Variants in FRYL observed in about 807,000 individuals in gnomAD.
FRYL encodes protein furry homolog-like.
In FRYL, 150 loss-of-function variants were observed where a neutral mutation model predicts 351.2. The observed-to-expected ratio is 0.43, with a 90% CI of 0.37 to 0.49. The LOEUF (loss-of-function observed/expected upper bound fraction) is 0.49. FRYL is among the 20% of genes least tolerant of loss of function. The pLI, the probability that FRYL is intolerant of heterozygous loss-of-function variation, is 0.00. For missense variants in FRYL, 3,036 were observed against 3,619.3 expected, an observed-to-expected ratio of 0.84 and a Z score of 4.13; for synonymous variants, 1,153 against 1,257.1, an observed-to-expected ratio of 0.92 and a Z score of 1.75.
At chr4:48,687,724 T>C (rs1014784134) in intron 2 of FRYL, among the ~76,000 whole-genome samples, 6 of 152,054 alleles carry the variant, frequency 3.9e-5, no homozygotes, top group African/African-American at 1.2e-4. Context: ...CCCAAGCAAA[T>C]AGAGCAAAAA....
chr4:48,600,251 G>A (rs1264830121), intron 13 of FRYL, among the ~76,000 whole-genome samples: 1 of 152,142 alleles, frequency 6.6e-6, no homozygotes, highest in Non-Finnish European at 1.5e-5. Context: ...TGTTACAACA[G>A]ATAACTAGCA....
At chr4:48,711,375 T>C (rs1767993962) in intron 1 of FRYL, among the ~76,000 whole-genome samples, 1 of 152,280 alleles carries the variant, frequency 6.6e-6, no homozygotes, top group African/African-American at 2.4e-5. Flanking sequence ...ACTGCGCTTT[T>C]CCAACGGGCT....
chr4:48,658,654 T>G (rs1759766092), intron 3 of FRYL, among the ~76,000 whole-genome samples: 1 of 147,642 alleles, frequency 6.8e-6, no homozygotes, highest in Non-Finnish European at 1.5e-5. Context: ...CTCAGGAGGA[T>G]GAGGTGGGAG....
At chr4:48,593,702 C>T (rs1047069774) in intron 16 of FRYL, among the ~76,000 whole-genome samples, 2 of 152,074 alleles carry the variant, frequency 1.3e-5, no homozygotes, top group African/African-American at 4.8e-5. Context: ...ACCATTATTT[C>T]ACTCCAGCCT....
intron 54 of FRYL, among the ~76,000 whole-genome samples, chr4:48,521,841 A>G (rs1228246587): frequency 6.6e-6 from 1 of 152,226 alleles, no homozygotes; most frequent in African/African-American, 2.4e-5. Context: ...TGGGGCACCA[A>G]TGAGATGTAA....
chr4:48,695,650 C>G (rs1333676452), intron 2 of FRYL, among the ~76,000 whole-genome samples: 1 of 151,998 alleles, frequency 6.6e-6, no homozygotes, highest in East Asian at 1.9e-4. Flanking sequence ...ATGCCAAAAG[C>G]AATTGCAACA....
At chr4:48,651,289 CTGTG>C (rs59845967) in intron 3 of FRYL, among the ~76,000 whole-genome samples, 3,501 of 62,360 alleles carry the variant, frequency 0.056, 384 homozygotes, top group African/African-American at 0.16. Context: ...CAGGATCTCA[CTGTG>C]TGTGTGTGTG....
At chr4:48,505,311 T>C (rs2148721377) in intron 60 of FRYL, 3 of 555,250 alleles carry the variant, frequency 5.4e-6, no homozygotes, top group East Asian at 3.3e-5. Flanking sequence ...AGCTTATCTA[T>C]TGGATGTTAT....
Position 48,557,025 on chromosome 4 carries a change from A to G in FRYL, c.4219T>C (p.Leu1407=), listed in dbSNP as rs1234165907. The part of the protein sequence containing the change: ...PKNLKIILHF[L]ISICGVNSEP... ...CTATTCACCCCACAAATGCTGATCA[A>G]AAAGTGCAAAATTATTTTCAGGTTT... Residue 1407 remains leucine (L), a synonymous_variant, in exon 35 of 64, where the codon TTG becomes CTG. Coordinates refer to ENST00000358350, the MANE Select transcript of FRYL (RefSeq NM_015030.2). The G allele has an allele frequency of 4.4e-6, 7 of 1,609,028 alleles. No individual in the cohort carries two copies. The highest frequency in any genetic ancestry group is 1.3e-5 in the African/African-American group (1 of 74,324).
At position 48,548,251 on chromosome 4, in the gene FRYL, CAT is replaced by C. The variant is rs575885493; in HGVS notation, c.4888+437_4888+438del. The stretch of plus-strand genomic sequence containing the variant: ...TGTATTATAGATATGGTAGATCCCA[CAT>C]GTTTGCTACAGAAGGCACGATGGAG... On this transcript the variant is annotated intron_variant, in intron 40 of 63. Coordinates refer to ENST00000358350, the MANE Select transcript of FRYL (RefSeq NM_015030.2). 3.4e-4 allele frequency among the ~76,000 whole-genome samples: 52 copies of C among 152,244 alleles called. No individual in the cohort carries two copies. The South Asian group carries it at 1.0e-2, about 29-fold the overall frequency.
chr4:48,713,706 G>A (rs918683234), intron 1 of FRYL, among the ~76,000 whole-genome samples: 9 of 152,170 alleles, frequency 5.9e-5, no homozygotes, highest in African/African-American at 2.2e-4. Flanking sequence ...ACATTAAACA[G>A]ATCAATGAGA....
At chr4:48,562,105 AAC>A (rs1410330445) in intron 32 of FRYL, among the ~76,000 whole-genome samples, 1 of 152,214 alleles carries the variant, frequency 6.6e-6, no homozygotes, top group South Asian at 2.1e-4. Context: ...CCAGGTTAGT[AAC>A]ACAGTCTGAA....
intron 1 of FRYL, among the ~76,000 whole-genome samples, chr4:48,779,063 T>G (rs977217046): frequency 6.6e-6 from 1 of 151,748 alleles, no homozygotes; most frequent in African/African-American, 2.4e-5. Context: ...CCCATATCAT[T>G]GCAAATCCAC....
chr4:48,595,747 T>A, intron 14 of FRYL, 49 bp from the exon 15 acceptor site: 1 of 1,289,818 alleles, frequency 7.8e-7, no homozygotes, highest in South Asian at 1.3e-5. Context: ...ATCAACAGCA[T>A]ATTAGCAAAA....
chr4:48,774,768 G>A (rs185176335), intron 1 of FRYL, among the ~76,000 whole-genome samples: 368 of 152,112 alleles, frequency 2.4e-3, no homozygotes, highest in African/African-American at 8.5e-3. Context: ...GGCTGGTCTC[G>A]AACTCCTATC....
intron 3 of FRYL, among the ~76,000 whole-genome samples, chr4:48,655,293 C>T (rs1758595199): frequency 6.6e-6 from 1 of 152,118 alleles, no homozygotes; most frequent in Admixed American, 6.6e-5. Flanking sequence ...GGCTAACCAA[C>T]ACAGAACCAT....
At position 48,590,677 on chromosome 4, in the gene FRYL, C is replaced by A. The variant is rs1743057392; in HGVS notation, c.1489G>T (p.Glu497Ter). Residue 497 changes from glutamate (E) to a stop codon, truncating the protein, a stop_gained, in exon 17 of 64, where the codon GAA becomes TAA. Coordinates refer to ENST00000358350, the MANE Select transcript of FRYL (RefSeq NM_015030.2). LOFTEE classifies it high-confidence loss of function. ...AACTAACCTATGACTTTTGCTTCTT[C>A]ATCTGTCAAGGTTTTATTGAGAAAT... is the stretch of plus-strand genomic sequence containing the variant. ...KIFLNKTLTD[E>*]EAKVIGMSVY... 1 of 1,607,156 alleles carries A rather than the reference C, an allele frequency of 6.2e-7. No homozygotes were observed.
At chr4:48,603,816 T>C (rs1252983579) in intron 11 of FRYL, among the ~76,000 whole-genome samples, 6 of 152,198 alleles carry the variant, frequency 3.9e-5, no homozygotes, top group Non-Finnish European at 8.8e-5. Flanking sequence ...GGAGCTTCCT[T>C]GCTGTTCCTA....
chr4:48,528,656 C>T (rs553806959), intron 50 of FRYL, among the ~76,000 whole-genome samples: 1 of 152,074 alleles, frequency 6.6e-6, no homozygotes, highest in Non-Finnish European at 1.5e-5. Context: ...ACCCAAAACT[C>T]AGAAAATGTA....
Sources: allele counts gnomAD v4.1 joint callset (sites outside exome capture counted in the v4.1 genomes callset), GRCh38; gene constraint gnomAD v4.1.1; transcripts MANE v1.5; gene names NCBI Gene and HGNC (gene_info 2026-07-23, HGNC 2026-07-21).